Variants in LINGO1 observed in about 807,000 individuals in gnomAD.
LINGO1 encodes leucine rich repeat and Ig domain containing 1, also known as leucine-rich repeat and immunoglobulin-like domain-containing nogo receptor-interacting protein 1.
Under a neutral mutation model 37.3 loss-of-function variants are expected in LINGO1, and 11 were observed. The ratio of observed to expected loss-of-function variants is 0.29; its 90% CI spans 0.19 to 0.49. The LOEUF (loss-of-function observed/expected upper bound fraction) is 0.49. Among genes scored for constraint, LINGO1 ranks in the 20% least tolerant of loss-of-function variants. The pLI is 0.99. For missense variants in LINGO1, 585 were observed against 878.2 expected, an observed-to-expected ratio of 0.67 and a Z score of 4.22; for synonymous variants, 387 against 403.0, an observed-to-expected ratio of 0.96 and a Z score of 0.48.
In LINGO1 at chr15:77,632,470, G is replaced by A; in HGVS notation, c.-155C>T. 1.4e-6 allele frequency: 1 copy of A among 719,620 alleles called. No homozygotes were observed. 44.6% of individuals were successfully genotyped at this position (719,620 alleles called of 1,614,324 possible). On this transcript the variant is annotated 5_prime_UTR_variant, in exon 1 of 2. Transcript: ENST00000355300. The surrounding 1 kb of genome is among the most constrained non-coding windows in gnomAD (Gnocchi z 6.0). Reference sequence around the variant, plus strand: ...TCCGCGCGCCCTCGCGGGGCTGGCTGTCCGTCTGTCCGCCCCGCGCGGGCG... The same window carrying A: ...TCCGCGCGCCCTCGCGGGGCTGGCTATCCGTCTGTCCGCCCCGCGCGGGCG...
At chr15:77,773,807 G>A (rs2076609721) in intron 1 of LINGO1, among the ~76,000 whole-genome samples, 1 of 151,546 alleles carries the variant, frequency 6.6e-6, no homozygotes, top group Non-Finnish European at 1.5e-5. Context: ...CTCAGCCTGG[G>A]GACCTTCCCA....
rs748871584 is a variant in LINGO1 at position 77,614,282 on chromosome 15, T to C, written c.1625A>G (p.Asn542Ser). The C allele has an allele frequency of 1.2e-6, 2 of 1,614,032 alleles. No homozygotes were observed. Among genetic ancestry groups the C allele is most frequent in the Non-Finnish European group, 1.7e-6 (2 of 1,179,886 alleles). Reference protein sequence around the residue: ...ISNQPGEGEANSTRATVPFPF... With the variant: ...ISNQPGEGEASSTRATVPFPF... ...GAAAGGCACAGTGGCGCGGGTGCTG[T>C]TGGCCTCTCCCTCGCCCGGCTGGTT... Residue 542 changes from asparagine to serine, a missense_variant, in exon 2 of 2, where the codon AAC (asparagine) becomes AGC (serine). Asn to Ser is a conservative substitution (Grantham distance 46). Coordinates refer to ENST00000355300, the MANE Select transcript of LINGO1 (RefSeq NM_032808.7).
upstream of LINGO1, among the ~76,000 whole-genome samples, chr15:77,699,772 C>CACCTGCACACAGTAAGTACATACTA (rs1482949650): frequency 2.0e-5 from 3 of 150,220 alleles, no homozygotes; most frequent in African/African-American, 7.4e-5. Context: ...TACTAACCAT[C>CACCTGCACACAGTAAGTACATACTA]ATTCCCCCCC....
intron 1 of LINGO1, among the ~76,000 whole-genome samples, chr15:77,804,836 A>G (rs1212181252): frequency 6.6e-6 from 1 of 152,150 alleles, no homozygotes; most frequent in African/African-American, 2.4e-5. Context: ...TACTGCGGTT[A>G]CCACCTCCCA....
At chr15:77,705,110 C>A (rs183953483) in intron 2 of LINGO1, among the ~76,000 whole-genome samples, 2 of 151,064 alleles carry the variant, frequency 1.3e-5, no homozygotes, top group Non-Finnish European at 2.9e-5. Context: ...CCAGTCCACA[C>A]CCTCCCCACA....
At chr15:77,643,081 A>T (rs969179822) in intron 3 of LINGO1, among the ~76,000 whole-genome samples, 5 of 152,230 alleles carry the variant, frequency 3.3e-5, no homozygotes, top group African/African-American at 1.2e-4. Flanking sequence ...GTGGTGTGGC[A>T]TTCCCAGGAG....
At chr15:77,678,341 C>T (rs1258808071) in intron 2 of LINGO1, among the ~76,000 whole-genome samples, 1 of 152,200 alleles carries the variant, frequency 6.6e-6, no homozygotes, top group Non-Finnish European at 1.5e-5. Context: ...TCAACTCCTC[C>T]CAGCCCCTAC....
intron 1 of LINGO1, among the ~76,000 whole-genome samples, chr15:77,754,968 A>G (rs779369664): frequency 3.9e-5 from 6 of 152,200 alleles, no homozygotes; most frequent in Non-Finnish European, 8.8e-5. Flanking sequence ...CATGCAGGTA[A>G]GACACTTTTT....
At chr15:77,761,224 C>G (rs1434940346) in intron 1 of LINGO1, among the ~76,000 whole-genome samples, 1 of 152,132 alleles carries the variant, frequency 6.6e-6, no homozygotes, top group African/African-American at 2.4e-5. Flanking sequence ...GCCACTGCAC[C>G]TGGCCCAAGT....
chr15:77,631,787 C>T (rs1178715822), intron 1 of LINGO1, among the ~76,000 whole-genome samples: 1 of 152,236 alleles, frequency 6.6e-6, no homozygotes, highest in Non-Finnish European at 1.5e-5. Flanking sequence ...CTCCTTTTCA[C>T]TGGGCAGGAG....
upstream of LINGO1, among the ~76,000 whole-genome samples, chr15:77,790,218 C>A (rs1949327244): frequency 6.6e-6 from 1 of 152,140 alleles, no homozygotes; most frequent in Admixed American, 6.5e-5. Flanking sequence ...TGACTTGGCC[C>A]CTCACATTGG....
chr15:77,661,714 C>T lies in LINGO1; in HGVS notation c.-13+15375G>A, dbSNP rs140090494. Among the ~76,000 whole-genome samples, 21 of 152,344 alleles carry T rather than the reference C, an allele frequency of 1.4e-4. No individual in the cohort carries two copies. The East Asian group carries it at 3.5e-3, about 25-fold the overall frequency. On this transcript the variant is annotated intron_variant, in intron 3 of 3. Coordinates refer to the LINGO1 transcript ENST00000559893. ...CTTGTCCTCTTTCCCCTACTGATCGCCCCACCCTCTGCTTCTTTTTCCCTC... is the reference window on the plus strand; with the variant it reads ...CTTGTCCTCTTTCCCCTACTGATCGTCCCACCCTCTGCTTCTTTTTCCCTC...
intron 1 of LINGO1, among the ~76,000 whole-genome samples, chr15:77,747,006 G>GA (rs977742199): frequency 5.9e-5 from 9 of 152,178 alleles, no homozygotes; most frequent in Middle Eastern, 3.2e-3. Flanking sequence ...AGTCACACAG[G>GA]AATCAGCTGC....
intron 1 of LINGO1, among the ~76,000 whole-genome samples, chr15:77,814,923 G>A (rs570121452): frequency 2.0e-5 from 3 of 152,252 alleles, no homozygotes; most frequent in South Asian, 2.1e-4. Flanking sequence ...ATCAGAGCTG[G>A]GTGGGGCATG....
chr15:77,652,458 CCTACAG>C (rs1184642091), intron 3 of LINGO1, among the ~76,000 whole-genome samples: 1 of 145,022 alleles, frequency 6.9e-6, no homozygotes, highest in Non-Finnish European at 1.5e-5. Context: ...ACATCTCTTA[CCTACAG>C]CTGCAGCTGG....
intron 1 of LINGO1, among the ~76,000 whole-genome samples, chr15:77,809,941 G>A (rs960999452): frequency 6.6e-6 from 1 of 152,122 alleles, no homozygotes; most frequent in South Asian, 2.1e-4. Context: ...CAGGGCTGGA[G>A]AGCAGGGATC....
chr15:77,664,427 T>C (rs946385431), intron 3 of LINGO1, among the ~76,000 whole-genome samples: 8 of 151,932 alleles, frequency 5.3e-5, no homozygotes, highest in African/African-American at 2.4e-5. Context: ...TGGGGGGTCA[T>C]GGCCAAGCCC....
Position 77,695,291 on chromosome 15 carries a change from G to C in LINGO1, c.-281+1100C>G, listed in dbSNP as rs189404238. 3.5e-3 allele frequency among the ~76,000 whole-genome samples: 528 copies of C among 152,276 alleles called. 2 individuals are homozygous for C. The highest frequency in any genetic ancestry group is 0.012 in the African/African-American group (510 of 41,548). ...GCCCGGTGAGCAGATGGGGTGGGCA[G>C]GGGGTGGCAGAGAGAGGCAGCAGTT... On this transcript the variant is annotated intron_variant, in intron 1 of 3. Coordinates refer to the LINGO1 transcript ENST00000559893.
chr15:77,768,551 G>A (rs1347215327), intron 1 of LINGO1, among the ~76,000 whole-genome samples: 1 of 152,166 alleles, frequency 6.6e-6, no homozygotes, highest in Admixed American at 6.5e-5. Flanking sequence ...GGGGAGCCCT[G>A]GTTTACTCAC....
Sources: allele counts gnomAD v4.1 joint callset (sites outside exome capture counted in the v4.1 genomes callset), GRCh38; gene constraint gnomAD v4.1.1; non-coding constraint Gnocchi (gnomAD v3.1); transcripts MANE v1.5; gene names NCBI Gene and HGNC (gene_info 2026-07-23, HGNC 2026-07-21).